The following TMEM207 variants were observed in gnomAD, a reference collection of about 807,000 sequenced individuals.
The protein encoded by TMEM207 is transmembrane protein 207.
TMEM207 carries 15 observed loss-of-function variants against 17.4 expected under a neutral mutation model. The observed-to-expected ratio is 0.86, with a 90% CI of 0.58 to 1.33. The LOEUF (loss-of-function observed/expected upper bound fraction) is 1.33. TMEM207 is among the 40% of genes most tolerant of loss of function. The pLI is 0.00. For synonymous variants in TMEM207, 70 were observed against 65.6 expected (o/e 1.07, Z -0.33); for missense variants, 205 against 173.8 (o/e 1.18, Z -1.01).
intron 1 of TMEM207, among the ~76,000 whole-genome samples, chr3:190,448,796 C>A (rs966376626): frequency 1.3e-5 from 2 of 152,082 alleles, no homozygotes; most frequent in South Asian, 4.1e-4. Context: ...TCTTCAGCAC[C>A]TTGTATTTAC....
At chr3:190,444,351 A>G in intron 2 of TMEM207, 1 of 934,980 alleles carries the variant, frequency 1.1e-6, no homozygotes, top group Non-Finnish European at 1.3e-6. Flanking sequence ...TTCAACCCAA[A>G]TGCTCTGTCT....
At chr3:190,430,840 A>G (rs554960992) in intron 4 of TMEM207, among the ~76,000 whole-genome samples, 2 of 152,138 alleles carry the variant, frequency 1.3e-5, no homozygotes, top group Non-Finnish European at 1.5e-5. Flanking sequence ...TAATGGAAAA[A>G]GTTTGCTGAC....
At chr3:190,448,455 T>C (rs1720097001) in intron 1 of TMEM207, among the ~76,000 whole-genome samples, 1 of 152,150 alleles carries the variant, frequency 6.6e-6, no homozygotes, top group South Asian at 2.1e-4. Context: ...TCTAAAATAA[T>C]GCTCTTAGTT....
At chr3:190,442,312 A>G (rs1719952975) in intron 2 of TMEM207, among the ~76,000 whole-genome samples, 1 of 152,230 alleles carries the variant, frequency 6.6e-6, no homozygotes. Context: ...ACAGTCAGAT[A>G]CACTTCTGAG....
chr3:190,447,896 C>T, intron 1 of TMEM207, 69 bp from the exon 2 acceptor site: 1 of 1,447,428 alleles, frequency 6.9e-7, no homozygotes, highest in Non-Finnish European at 9.4e-7. Context: ...ACAAGCAGCG[C>T]CTAGAGACAA....
At chr3:190,436,168 T>C (rs1178515546) in intron 4 of TMEM207, among the ~76,000 whole-genome samples, 21 of 152,182 alleles carry the variant, frequency 1.4e-4, no homozygotes, top group Non-Finnish European at 5.9e-5. Flanking sequence ...TAAATGGTGA[T>C]AATTAAGTAA....
intron 4 of TMEM207, among the ~76,000 whole-genome samples, chr3:190,432,010 T>C (rs753676316): frequency 7.2e-5 from 11 of 152,312 alleles, no homozygotes; most frequent in Admixed American, 2.6e-4. Flanking sequence ...TATCAAGTGA[T>C]TGGATGCTGG....
chr3:190,435,040 T>C (rs1288311324), intron 4 of TMEM207, among the ~76,000 whole-genome samples: 3 of 152,218 alleles, frequency 2.0e-5, no homozygotes, highest in African/African-American at 7.2e-5. Flanking sequence ...CTCTGCCTTC[T>C]TGACTTTCTT....
At chr3:190,444,520 A>C (rs1263131815) in intron 2 of TMEM207, 1 of 907,826 alleles carries the variant, frequency 1.1e-6, no homozygotes, top group African/African-American at 1.8e-5. Context: ...AAAAAAAAAT[A>C]GAAATGAGAG....
Position 190,440,364 on chromosome 3 carries a change from C to T in TMEM207, c.184G>A (p.Ala62Thr), listed in dbSNP as rs775911647. Residue 62 changes from alanine to threonine, a missense_variant, in exon 4 of 5, where the codon GCA becomes ACA. Coordinates refer to ENST00000354905, the MANE Select transcript of TMEM207 (RefSeq NM_207316.3). Reference protein sequence around the residue: ...IWILLLLVLVAALLCGAVVLC... With the variant: ...IWILLLLVLVTALLCGAVVLC... ...ACCACAGCTCCACAGAGAAGAGCTG[C>T]CACCAAAACCAGCAGCAGGAGGATC... 7 of 1,611,762 alleles carry T rather than the reference C, an allele frequency of 4.3e-6. No homozygotes were observed. The highest frequency in any genetic ancestry group is 1.7e-5 in the Admixed American group (1 of 59,356).
chr3:190,449,657 TA>T, intron 1 of TMEM207, 77 bp downstream of exon 1: 3 of 1,343,010 alleles, frequency 2.2e-6, no homozygotes, highest in Non-Finnish European at 3.2e-6. Context: ...TGCTCACATA[TA>T]AATCTATAGC....
intron 4 of TMEM207, among the ~76,000 whole-genome samples, chr3:190,434,657 C>G (rs78020554): frequency 0.028 from 4,278 of 152,228 alleles, 216 homozygotes; most frequent in East Asian, 0.21. Context: ...CTGAACAAAA[C>G]ATACCCACAT....
At chr3:190,442,299 T>G (rs777841905) in intron 2 of TMEM207, among the ~76,000 whole-genome samples, 1 of 152,232 alleles carries the variant, frequency 6.6e-6, no homozygotes, top group East Asian at 1.9e-4. Context: ...AAATCTGTTA[T>G]TCACAGTCAG....
chr3:190,442,155 G>A (rs556355560), intron 2 of TMEM207, among the ~76,000 whole-genome samples: 52 of 152,266 alleles, frequency 3.4e-4, no homozygotes, highest in African/African-American at 1.1e-3. Flanking sequence ...TTTTTGGGAG[G>A]TATAACTCCG....
rs1719647691 is a variant in TMEM207, at chr3:190,429,676, AGGGG to A, written c.356_359del (p.Thr119MetfsTer14). ...ATGGAGCAGGAACAGGATATAGGTC[AGGGG>A]TTTGAGTTTGAAGGTGAATTCCAAC... On this transcript the variant is annotated frameshift_variant, in exon 5 of 5. Coordinates refer to ENST00000354905, the MANE Select transcript of TMEM207 (RefSeq NM_207316.3). LOFTEE classifies it low-confidence loss of function (END_TRUNC). The A allele has an allele frequency of 1.1e-5, 17 of 1,612,854 alleles. No individual in the cohort carries two copies. The highest frequency in any genetic ancestry group is 1.4e-5 in the Non-Finnish European group (17 of 1,179,464).
intron 1 of TMEM207, among the ~76,000 whole-genome samples, chr3:190,449,129 T>G (rs1720109150): frequency 6.6e-6 from 1 of 152,214 alleles, no homozygotes; most frequent in Non-Finnish European, 1.5e-5. Flanking sequence ...TACACAGTAT[T>G]AAATTATTAG....
At chr3:190,444,474 T>C in intron 2 of TMEM207, 1 of 983,786 alleles carries the variant, frequency 1.0e-6, no homozygotes, top group Non-Finnish European at 1.2e-6. Flanking sequence ...GTATCCCGTG[T>C]TCCAAATGCT....
chr3:190,430,189 A>G (rs777832622), intron 4 of TMEM207, among the ~76,000 whole-genome samples: 1 of 152,204 alleles, frequency 6.6e-6, no homozygotes, highest in Non-Finnish European at 1.5e-5. Context: ...TTTAGTAAAC[A>G]GTAAAAATGT....
At chr3:190,436,233 A>C (rs1577443913) in intron 4 of TMEM207, among the ~76,000 whole-genome samples, 1 of 152,364 alleles carries the variant, frequency 6.6e-6, no homozygotes, top group East Asian at 1.9e-4. Flanking sequence ...CCCAAGGTTA[A>C]TATATCAAAT....
Sources: allele counts gnomAD v4.1 joint callset (sites outside exome capture counted in the v4.1 genomes callset), GRCh38; gene constraint gnomAD v4.1.1; transcripts MANE v1.5; gene names NCBI Gene and HGNC (gene_info 2026-07-23, HGNC 2026-07-21).